The following AJAP1 variants were observed in gnomAD, a reference collection of about 807,000 sequenced individuals.
AJAP1 encodes the protein adherens junctions associated protein 1.
A neutral mutation model predicts 35.0 loss-of-function variants in AJAP1; 5 were observed. The ratio of observed to expected loss-of-function variants is 0.14; its 90% confidence interval spans 0.07 to 0.30. The LOEUF is 0.30. Among genes scored for constraint, AJAP1 ranks in the 10% least tolerant of loss-of-function variants. The pLI is 1.00. For synonymous variants in AJAP1, 284 were observed against 249.3 expected (o/e 1.14, Z -1.31); for missense variants, 586 against 571.0 (o/e 1.03, Z -0.27).
chr1:4,781,534 CAT>C (rs1642063260), intron 5 of AJAP1, among the ~76,000 whole-genome samples: 1 of 152,262 alleles, frequency 6.6e-6, no homozygotes, highest in Non-Finnish European at 1.5e-5. Flanking sequence ...TTTCCGACTT[CAT>C]TTTTGGATCA....
intron 1 of AJAP1, among the ~76,000 whole-genome samples, chr1:4,697,699 G>A (rs939977430): frequency 6.6e-6 from 1 of 152,240 alleles, no homozygotes; most frequent in Admixed American, 6.5e-5. Context: ...TGGGTAACAT[G>A]GGGAGAGTAG....
In AJAP1 at chr1:4,656,012, G is replaced by C. The variant is rs535493871; in HGVS notation, c.29+558G>C. 6.6e-6 allele frequency among the ~76,000 whole-genome samples: 1 copy of C among 152,076 alleles called. No individual in the cohort carries two copies. Among genetic ancestry groups the C allele is most frequent in the African/African-American group, 2.4e-5 (1 of 41,440 alleles). ...CCCAGCTGCCGACCCAGCTGTTTGC[G>C]GGTGACCTCCGGGCCCGACGGGCGC... On this transcript the variant is annotated intron_variant, in intron 1 of 5. Coordinates refer to ENST00000378191, the MANE Select transcript of AJAP1 (RefSeq NM_018836.4). This position sits in a 1 kb window ranked among gnomAD's most constrained non-coding sequence, Gnocchi z 5.7.
At chr1:4,727,832 C>T (rs564972851) in intron 2 of AJAP1, among the ~76,000 whole-genome samples, 2 of 152,328 alleles carry the variant, frequency 1.3e-5, no homozygotes, top group South Asian at 4.1e-4. Context: ...CGGCCCCTGT[C>T]CACAGCCATC....
intron 2 of AJAP1, among the ~76,000 whole-genome samples, chr1:4,761,510 A>G (rs553933994): frequency 5.5e-4 from 84 of 152,234 alleles, no homozygotes; most frequent in Non-Finnish European, 7.6e-4. Context: ...TCCCTGGACC[A>G]TGATGCCATG....
Position 4,780,131 on chromosome 1 carries a change from C to CA in AJAP1, c.*60-2388dup, listed in dbSNP as rs545412869. The stretch of plus-strand genomic sequence containing the variant: ...TGCACTCCAGCCTGGGTGACAGTCT[C>CA]AAAAAAAAAAAAAAAAAAAAAAAAA... On this transcript the variant is annotated intron_variant, in intron 5 of 5. Coordinates refer to ENST00000378191, the MANE Select transcript of AJAP1 (RefSeq NM_018836.4). 9.6e-3 allele frequency among the ~76,000 whole-genome samples: 887 copies of CA among 92,148 alleles called. 14 individuals carry two copies. Among genetic ancestry groups the CA allele is most frequent in the South Asian group, 0.026 (65 of 2,514 alleles). The allele number at this position is 92,148 out of a possible 152,430, so 60.5% of individuals were successfully genotyped here.
At chr1:4,657,892 G>A (rs1472474615) in intron 1 of AJAP1, among the ~76,000 whole-genome samples, 1 of 152,092 alleles carries the variant, frequency 6.6e-6, no homozygotes, top group Non-Finnish European at 1.5e-5. Context: ...CTTTTGCGGT[G>A]GCATTTAATA....
chr1:4,716,830 A>G (rs977075315), intron 2 of AJAP1, among the ~76,000 whole-genome samples: 1 of 152,092 alleles, frequency 6.6e-6, no homozygotes, highest in Admixed American at 6.6e-5. Context: ...TGCTGCCACT[A>G]CCTTTACTGC....
rs989674712 is a variant in AJAP1, at chr1:4,720,539, C to T, written c.829+7840C>T. On this transcript the variant is annotated intron_variant, in intron 2 of 5. Coordinates refer to ENST00000378191, the MANE Select transcript of AJAP1 (RefSeq NM_018836.4). The surrounding 1 kb of genome is among the most constrained non-coding windows in gnomAD (Gnocchi z 4.4). ...AGGTGTCCTTGGCTCCACCATGTGA[C>T]CCCATGGTCCTCTGAATCTTTGCCT... Among the ~76,000 whole-genome samples, 1 of 152,168 alleles carries T rather than the reference C, an allele frequency of 6.6e-6. No individual in the cohort carries two copies. The highest frequency in any genetic ancestry group is 2.4e-5 in the African/African-American group (1 of 41,442).
intron 2 of AJAP1, among the ~76,000 whole-genome samples, chr1:4,745,982 A>C (rs1250400543): frequency 6.6e-6 from 1 of 152,196 alleles, no homozygotes; most frequent in Non-Finnish European, 1.5e-5. Context: ...AAAACAGTGA[A>C]GCCAATGGCA....
intron 4 of AJAP1, among the ~76,000 whole-genome samples, chr1:4,773,250 C>A (rs1228738268): frequency 2.0e-5 from 3 of 152,150 alleles, no homozygotes; most frequent in Non-Finnish European, 2.9e-5. Context: ...ATAGAATTAG[C>A]AGCCAGGGTA....
At chr1:4,719,210 T>C (rs1326961353) in intron 2 of AJAP1, among the ~76,000 whole-genome samples, 2 of 152,206 alleles carry the variant, frequency 1.3e-5, no homozygotes, top group Non-Finnish European at 2.9e-5. Context: ...TCTGGCTTCT[T>C]AATCAATTAT....
intron 2 of AJAP1, among the ~76,000 whole-genome samples, chr1:4,718,975 C>T (rs1640457372): frequency 1.3e-5 from 2 of 152,148 alleles, no homozygotes; most frequent in Non-Finnish European, 2.9e-5. Flanking sequence ...AGTGGGGTAG[C>T]CGGCGGCTGC....
intron 1 of AJAP1, among the ~76,000 whole-genome samples, chr1:4,694,936 T>C (rs1384163694): frequency 1.3e-5 from 2 of 152,008 alleles, no homozygotes; most frequent in African/African-American, 2.4e-5. Flanking sequence ...GGAGCCAGGA[T>C]GGAAGCTGGA....
chr1:4,767,646 T>C (rs1230017894), intron 2 of AJAP1, among the ~76,000 whole-genome samples: 3 of 151,420 alleles, frequency 2.0e-5, no homozygotes, highest in Admixed American at 2.0e-4. Flanking sequence ...CACATCACCA[T>C]CACCACCATC....
At chr1:4,781,518 G>A (rs1207110700) in intron 5 of AJAP1, among the ~76,000 whole-genome samples, 1 of 152,218 alleles carries the variant, frequency 6.6e-6, no homozygotes, top group Non-Finnish European at 1.5e-5. Flanking sequence ...GCTCCCACTG[G>A]GTGTTTTTCC....
Position 4,741,224 on chromosome 1 carries a change from A to G in AJAP1, c.829+28525A>G, listed in dbSNP as rs149608992. ...TTTGGAGGTCATCCGAGTGTCCTGG[A>G]GCTGCCGCAAGGAAGGACCACAGAC... On this transcript the variant is annotated intron_variant, in intron 2 of 5. Transcript: ENST00000378191. Among the ~76,000 whole-genome samples the G allele has an allele frequency of 6.0e-4, 92 of 152,232 alleles. 2 individuals carry two copies. In the East Asian group the frequency reaches 0.017, roughly 29 times the overall value.
At chr1:4,665,526 C>G (rs972885974) in intron 1 of AJAP1, among the ~76,000 whole-genome samples, 1 of 152,188 alleles carries the variant, frequency 6.6e-6, no homozygotes, top group Non-Finnish European at 1.5e-5. Context: ...ACCTGAGCCG[C>G]CACACTCACT....
chr1:4,678,355 T>A (rs1639405340), intron 1 of AJAP1, among the ~76,000 whole-genome samples: 1 of 152,224 alleles, frequency 6.6e-6, no homozygotes, highest in Non-Finnish European at 1.5e-5. Flanking sequence ...TTATCTCACA[T>A]GTTCCCTGGG....
At position 4,784,551 on chromosome 1, in the gene AJAP1, A is replaced by G. The variant is rs1272495561; in HGVS notation, c.*2066A>G. 8 of 152,196 alleles carry G rather than the reference A, an allele frequency of 5.3e-5. No individual in the cohort carries two copies. Among genetic ancestry groups the G allele is most frequent in the Non-Finnish European group, 7.3e-5 (5 of 68,036 alleles). The allele number at this position is 152,196 out of a possible 1,614,324, so 9.4% of individuals were successfully genotyped here. A position where few individuals can be genotyped will look rare whatever the true frequency, so the allele number is the denominator to read the frequency against. ...CAGTCTCCCTCTAAAACACCTTGTG[A>G]TATGCTTCAGAAGTTCACTTTTGTA... On this transcript the variant is annotated 3_prime_UTR_variant, in exon 6 of 6. Transcript: ENST00000378191.
Sources: allele counts gnomAD v4.1 joint callset (sites outside exome capture counted in the v4.1 genomes callset), GRCh38; gene constraint gnomAD v4.1.1; non-coding constraint Gnocchi (gnomAD v3.1); transcripts MANE v1.5; gene names NCBI Gene and HGNC (gene_info 2026-07-23, HGNC 2026-07-21).